DPH6: variants seen among roughly 807,000 people sequenced by gnomAD.
DPH6 encodes diphthine--ammonia ligase.
DPH6 carries 33 observed loss-of-function variants against 38.2 expected under a neutral mutation model. The ratio of observed to expected loss-of-function variants is 0.86; its 90% CI spans 0.65 to 1.15. The LOEUF is 1.15. Among genes scored for constraint, DPH6 ranks in the 50% most tolerant of loss-of-function variants. The pLI, the probability that DPH6 is intolerant of heterozygous loss-of-function variation, is 0.00. For synonymous variants in DPH6, 108 were observed against 103.0 expected, an observed-to-expected ratio of 1.05 and a Z score of -0.30; for missense variants, 325 against 320.0, an observed-to-expected ratio of 1.02 and a Z score of -0.12.
At chr15:35,387,602 C>A (rs907638449) in intron 6 of DPH6, among the ~76,000 whole-genome samples, 1 of 152,132 alleles carries the variant, frequency 6.6e-6, no homozygotes, top group Non-Finnish European at 1.5e-5. Context: ...CTGTTTGAAG[C>A]AATTGTGAAT....
chr15:35,368,634 A>G (rs141739928), downstream of DPH6, among the ~76,000 whole-genome samples: 311 of 152,064 alleles, frequency 2.0e-3, no homozygotes, highest in African/African-American at 7.1e-3. Context: ...CTAGAATATA[A>G]AAGATTAGAT....
intron 3 of DPH6, among the ~76,000 whole-genome samples, chr15:35,250,379 TG>T (rs1464286040): frequency 6.6e-6 from 1 of 152,120 alleles, no homozygotes; most frequent in Non-Finnish European, 1.5e-5. Context: ...TGCCACAACG[TG>T]TGGCACTGTA....
At chr15:35,546,082 GC>G in intron 1 of DPH6, 36 bp downstream of exon 1, 1 of 1,368,014 alleles carries the variant, frequency 7.3e-7, no homozygotes, top group Non-Finnish European at 9.6e-7. Context: ...CGAGAGCCTG[GC>G]CTAGGAGGAA....
chr15:35,172,914 C>T, the DPH6 span, among the ~76,000 whole-genome samples: 24 of 152,268 alleles, frequency 1.6e-4, no homozygotes, highest in South Asian at 2.1e-4. Context: ...CTCAGCCTTC[C>T]GAGTAGCTGG....
intron 1 of DPH6, 58 bp downstream of exon 1, chr15:35,546,061 G>T (rs2055347745): frequency 7.6e-7 from 1 of 1,309,412 alleles, no homozygotes; most frequent in Non-Finnish European, 9.9e-7. Context: ...GCTAGCGGCG[G>T]CTGGAAGGGA....
intron 3 of DPH6, among the ~76,000 whole-genome samples, chr15:35,515,810 ATTGT>A (rs1646057341): frequency 2.0e-5 from 3 of 151,576 alleles, no homozygotes; most frequent in South Asian, 4.2e-4. Context: ...AAGGCGGAAG[ATTGT>A]TTGAGCTCAG....
At chr15:35,208,103 A>G in the DPH6 span, among the ~76,000 whole-genome samples, 16 of 152,210 alleles carry the variant, frequency 1.1e-4, no homozygotes, top group African/African-American at 3.4e-4. Context: ...ATTATGAATA[A>G]ATATGTTTAC....
At chr15:35,148,643 G>A in the DPH6 span, among the ~76,000 whole-genome samples, 11 of 152,064 alleles carry the variant, frequency 7.2e-5, no homozygotes, top group African/African-American at 2.2e-4. Flanking sequence ...ATTCATAAAG[G>A]CAAATTATTT....
intron 5 of DPH6, among the ~76,000 whole-genome samples, chr15:35,444,033 T>G (rs2053820628): frequency 6.6e-6 from 1 of 152,096 alleles, no homozygotes; most frequent in South Asian, 2.1e-4. Flanking sequence ...TCAGAACAGC[T>G]CTCCAGGTCC....
intron 3 of DPH6, among the ~76,000 whole-genome samples, chr15:35,534,365 G>A (rs541078089): frequency 3.2e-5 from 4 of 126,932 alleles, no homozygotes; most frequent in East Asian, 4.6e-4. Context: ...CAACAAGAGC[G>A]TAACTCTGTC....
chr15:35,394,142 T>G (rs1183783576), intron 6 of DPH6, among the ~76,000 whole-genome samples: 3 of 152,190 alleles, frequency 2.0e-5, no homozygotes, highest in African/African-American at 7.2e-5. Context: ...TATGTTCTTC[T>G]CTCTTAATGC....
intron 3 of DPH6, among the ~76,000 whole-genome samples, chr15:35,324,378 T>C (rs1163009648): frequency 6.6e-6 from 1 of 152,192 alleles, no homozygotes; most frequent in Non-Finnish European, 1.5e-5. Flanking sequence ...AGATAAACTC[T>C]ATTTTTCTTA....
the DPH6 span, among the ~76,000 whole-genome samples, chr15:35,198,141 T>TA: frequency 5.5e-4 from 84 of 152,000 alleles, no homozygotes; most frequent in African/African-American, 1.9e-3. Context: ...CTAGTTGTTT[T>TA]TTTTTTCTAA....
intron 3 of DPH6, among the ~76,000 whole-genome samples, chr15:35,348,950 T>A (rs1162239277): frequency 1.3e-5 from 2 of 152,190 alleles, no homozygotes; most frequent in Non-Finnish European, 2.9e-5. Flanking sequence ...CCTTGTCAGG[T>A]ATTTTGCTGA....
chr15:35,274,663 A>G (rs1435190191), intron 3 of DPH6, among the ~76,000 whole-genome samples: 1 of 152,222 alleles, frequency 6.6e-6, no homozygotes, highest in East Asian at 1.9e-4. Context: ...ATTGGTCATC[A>G]GAGAAATGCA....
intron 5 of DPH6, among the ~76,000 whole-genome samples, 181 bp from the exon 6 acceptor site, chr15:35,411,077 GT>G (rs1267704306): frequency 2.0e-5 from 3 of 151,454 alleles, no homozygotes; most frequent in African/African-American, 7.3e-5. Flanking sequence ...TGGGTAACTG[GT>G]TTTATTGCTT....
the DPH6 span, among the ~76,000 whole-genome samples, chr15:35,186,705 C>G: frequency 6.6e-6 from 1 of 152,126 alleles, no homozygotes; most frequent in Admixed American, 6.5e-5. Context: ...GAATGTGAAA[C>G]AAAATCAATT....
intron 3 of DPH6, among the ~76,000 whole-genome samples, chr15:35,287,642 T>TA (rs2051952551): frequency 1.3e-5 from 2 of 152,160 alleles, no homozygotes; most frequent in African/African-American, 4.8e-5. Flanking sequence ...AACAGTGTAG[T>TA]AAGAAGATAC....
the DPH6 span, among the ~76,000 whole-genome samples, chr15:35,208,906 A>G: frequency 2.0e-5 from 3 of 152,146 alleles, no homozygotes; most frequent in Non-Finnish European, 4.4e-5. Context: ...ATTTATTTTA[A>G]AAATAAAATT....
Sources: gnomAD v4.1 joint callset for allele counts (sites outside exome capture counted in the v4.1 genomes callset) on GRCh38, gnomAD v4.1.1 for gene constraint, MANE v1.5 for transcripts, NCBI Gene and HGNC (gene_info 2026-07-23, HGNC 2026-07-21) for gene names.